Variants in ATP13A5 observed in about 807,000 individuals in gnomAD.
ATP13A5 encodes the protein ATPase 13A5.
A neutral mutation model predicts 150.2 loss-of-function variants in ATP13A5; 149 were observed. The observed-to-expected ratio is 0.99, with a 90% CI of 0.87 to 1.14. The LOEUF (loss-of-function observed/expected upper bound fraction) is 1.14, where lower values mean the gene tolerates loss of function less well. Ranked by LOEUF, ATP13A5 falls within the 50% of genes most tolerant of loss-of-function variation. ATP13A5 has a pLI of 0.00. For synonymous variants in ATP13A5, 497 were observed against 522.2 expected, an observed-to-expected ratio of 0.95 and a Z score of 0.66; for missense variants, 1,383 against 1,449.3, an observed-to-expected ratio of 0.95 and a Z score of 0.74.
At chr3:193,295,915 G>C (rs986007062) in intron 25 of ATP13A5, among the ~76,000 whole-genome samples, 1 of 152,142 alleles carries the variant, frequency 6.6e-6, no homozygotes, top group Non-Finnish European at 1.5e-5. Context: ...ACCCCATGAG[G>C]GGAAGTCATA....
intron 1 of ATP13A5, among the ~76,000 whole-genome samples, chr3:193,375,377 G>A (rs1230742125): frequency 6.6e-6 from 1 of 152,190 alleles, no homozygotes; most frequent in African/African-American, 2.4e-5. Context: ...TAACCTGGAG[G>A]CTTCAGATTT....
chr3:193,316,853 C>T (rs1375117202), intron 17 of ATP13A5, among the ~76,000 whole-genome samples: 1 of 152,162 alleles, frequency 6.6e-6, no homozygotes, highest in Non-Finnish European at 1.5e-5. Flanking sequence ...GGACCCTTAT[C>T]TTATACCATA....
chr3:193,335,126 C>T, intron 9 of ATP13A5, 27 bp from the exon 10 acceptor site: 15 of 1,609,402 alleles, frequency 9.3e-6, no homozygotes, highest in Non-Finnish European at 1.3e-5. Flanking sequence ...TTTGTTGAAT[C>T]TATGTAAGCT....
In ATP13A5 at chr3:193,292,515, T is replaced by C. The variant is rs374807321; in HGVS notation, c.2849-2456A>G. Among the ~76,000 whole-genome samples the C allele has an allele frequency of 7.2e-5, 11 of 152,178 alleles. No individual in the cohort carries two copies. The East Asian group carries it at 1.7e-3, about 24-fold the overall frequency. ...TGACTTTCTCTGGCCAAAGAGATGT[T>C]AGCATAGACTTCAAGCATGCTTGCA... On this transcript the variant is annotated intron_variant, in intron 25 of 29. Transcript: ENST00000342358.
intron 1 of ATP13A5, among the ~76,000 whole-genome samples, chr3:193,367,770 C>T (rs1713287670): frequency 1.3e-5 from 2 of 152,096 alleles, no homozygotes. Flanking sequence ...TACAATTCTA[C>T]ACCAATACAT....
chr3:193,299,196 T>C lies in ATP13A5; in HGVS notation c.2783A>G (p.Gln928Arg), dbSNP rs766892655. ...ISALLLYWQL[Q>R]LFGNYQYLMQ... ...GAGATACTGGTAATTTCCAAAGAGT[T>C]GTAGTTGCTGAAAAAGAAACAAAAG... Residue 928 changes from glutamine to arginine, a missense_variant, in exon 25 of 30, where the codon CAA (glutamine) becomes CGA (arginine). Around this residue, in one of 3 missense-constraint regions of ATP13A5, gnomAD observed 568 missense variants for 621.5 expected, o/e 0.91. Transcript: ENST00000342358. 6.2e-7 allele frequency: 1 copy of C among 1,608,210 alleles called. No individual in the cohort carries two copies. The highest frequency in any genetic ancestry group is 1.7e-5 in the Admixed American group (1 of 58,824).
At chr3:193,311,295 T>G (rs1038562482) in intron 20 of ATP13A5, among the ~76,000 whole-genome samples, 2 of 152,196 alleles carry the variant, frequency 1.3e-5, no homozygotes, top group African/African-American at 4.8e-5. Flanking sequence ...GCCCTCCCCT[T>G]GTGCTCCATT....
At chr3:193,300,668 T>C (rs1340529878) in intron 24 of ATP13A5, among the ~76,000 whole-genome samples, 3 of 152,218 alleles carry the variant, frequency 2.0e-5, no homozygotes, top group Non-Finnish European at 2.9e-5. Context: ...AATTTTTAAA[T>C]GGCTATTTTC....
chr3:193,361,426 C>T (rs1713002392), intron 5 of ATP13A5, among the ~76,000 whole-genome samples: 1 of 152,090 alleles, frequency 6.6e-6, no homozygotes, highest in Non-Finnish European at 1.5e-5. Context: ...CTTCTAAGTA[C>T]CCCTTGCTCC....
At chr3:193,301,963 G>A (rs932191042) in intron 23 of ATP13A5, among the ~76,000 whole-genome samples, 2 of 152,072 alleles carry the variant, frequency 1.3e-5, no homozygotes, top group African/African-American at 2.4e-5. Flanking sequence ...AAAAAAATTC[G>A]GTCTTAGCTA....
At chr3:193,318,670 G>A (rs951633710) in intron 17 of ATP13A5, among the ~76,000 whole-genome samples, 1 of 152,120 alleles carries the variant, frequency 6.6e-6, no homozygotes, top group African/African-American at 2.4e-5. Flanking sequence ...GAGGTTGAAG[G>A]AGCGTTGGTT....
At chr3:193,346,567 A>G (rs563820222) in intron 7 of ATP13A5, among the ~76,000 whole-genome samples, 3 of 152,220 alleles carry the variant, frequency 2.0e-5, no homozygotes, top group African/African-American at 7.2e-5. Context: ...TACTTAATTC[A>G]CCTTAACCTA....
chr3:193,343,780 G>T, intron 9 of ATP13A5, 147 bp downstream of exon 9: 1 of 753,016 alleles, frequency 1.3e-6, no homozygotes, highest in Non-Finnish European at 2.0e-6. Context: ...TGTGTATATT[G>T]TGTCTCCATA....
intron 6 of ATP13A5, among the ~76,000 whole-genome samples, chr3:193,352,073 A>ATGAAATAT (rs1339800374): frequency 6.6e-6 from 1 of 152,212 alleles, no homozygotes; most frequent in Non-Finnish European, 1.5e-5. Flanking sequence ...TATGAATTGG[A>ATGAAATAT]TGAAATATTG....
intron 5 of ATP13A5, among the ~76,000 whole-genome samples, chr3:193,361,799 T>C (rs1560150308): frequency 6.6e-6 from 1 of 152,230 alleles, no homozygotes; most frequent in Non-Finnish European, 1.5e-5. Context: ...TCTGGGACAA[T>C]GACTAAACCT....
intron 1 of ATP13A5, among the ~76,000 whole-genome samples, chr3:193,373,731 T>C (rs1713534734): frequency 6.6e-6 from 1 of 152,102 alleles, no homozygotes; most frequent in Admixed American, 6.5e-5. Context: ...TGTTCTTAGG[T>C]AAAGAGTCAA....
chr3:193,288,598 A>G (rs536364346), intron 26 of ATP13A5, among the ~76,000 whole-genome samples: 83 of 152,254 alleles, frequency 5.5e-4, no homozygotes, highest in African/African-American at 2.0e-3. Context: ...TATAGTGTAA[A>G]CATAACTTTT....
chr3:193,347,481 G>A (rs1343179501), intron 7 of ATP13A5, among the ~76,000 whole-genome samples: 1 of 146,342 alleles, frequency 6.8e-6, no homozygotes, highest in Non-Finnish European at 1.5e-5. Flanking sequence ...CTTAAAAATA[G>A]CATTTTTTTT....
chr3:193,315,158 A>G, intron 17 of ATP13A5, 62 bp from the exon 18 acceptor site: 4 of 1,496,558 alleles, frequency 2.7e-6, no homozygotes, highest in Non-Finnish European at 3.6e-6. Context: ...AGTTCAATTT[A>G]TTTCTTCTTT....
Sources: allele counts gnomAD v4.1 joint callset (sites outside exome capture counted in the v4.1 genomes callset), GRCh38; gene constraint gnomAD v4.1.1; regional missense constraint gnomAD v4.1.1; transcripts MANE v1.5; gene names NCBI Gene and HGNC (gene_info 2026-07-23, HGNC 2026-07-21).